PIGL: variants seen among roughly 807,000 people sequenced by gnomAD.
The protein encoded by PIGL is phosphatidylinositol glycan anchor biosynthesis class L, also known as N-acetylglucosaminyl-phosphatidylinositol de-N-acetylase.
A neutral mutation model predicts 31.1 loss-of-function variants in PIGL; 22 were observed. The observed-to-expected ratio is 0.71, with a 90% CI of 0.51 to 1.01. The LOEUF (loss-of-function observed/expected upper bound fraction) is 1.01, where lower values mean the gene tolerates loss of function less well. Among genes scored for constraint, PIGL ranks in the 50% least tolerant of loss-of-function variants. The pLI is 0.00. For synonymous variants in PIGL, 131 were observed against 117.4 expected (o/e 1.12, Z -0.75); for missense variants, 302 against 315.9 (o/e 0.96, Z 0.33).
intron 2 of PIGL, among the ~76,000 whole-genome samples, chr17:16,239,002 C>G (rs1028221379): frequency 1.3e-5 from 2 of 149,414 alleles, no homozygotes; most frequent in Non-Finnish European, 3.0e-5. Context: ...CTTGGCCTCC[C>G]GAAGTGCTGG....
Position 16,262,440 on chromosome 17 carries a change from A to T in PIGL, c.335+28370A>T, listed in dbSNP as rs79427616. ...AATAAAAGTGTTCGTGTGAATGCTG[A>T]GATATTGGAACCCTAATACATTGCT... On this transcript the variant is annotated intron_variant, in intron 2 of 6. Coordinates refer to ENST00000225609, the MANE Select transcript of PIGL (RefSeq NM_004278.4). 6.6e-3 allele frequency among the ~76,000 whole-genome samples: 1,009 copies of T among 152,334 alleles called. 17 individuals are homozygous for T. The highest frequency in any genetic ancestry group is 0.023 in the African/African-American group (975 of 41,576).
intron 6 of PIGL, among the ~76,000 whole-genome samples, chr17:16,320,409 AAAGG>A (rs2093099722): frequency 8.0e-6 from 1 of 125,172 alleles, no homozygotes; most frequent in Admixed American, 8.5e-5. Flanking sequence ...GAGGGAGAGA[AAAGG>A]AGAGAGGAAG....
intron 1 of PIGL, among the ~76,000 whole-genome samples, chr17:16,229,929 T>A (rs1175125892): frequency 1.1e-4 from 15 of 138,202 alleles, no homozygotes; most frequent in African/African-American, 2.7e-5. Context: ...TGGCACGATC[T>A]CAGCTCACTG....
At chr17:16,291,605 C>T (rs1600830824) in intron 2 of PIGL, among the ~76,000 whole-genome samples, 1 of 151,380 alleles carries the variant, frequency 6.6e-6, no homozygotes, top group Admixed American at 6.6e-5. Flanking sequence ...GTGGCTCACA[C>T]CTGTAATCCC....
intron 3 of PIGL, among the ~76,000 whole-genome samples, chr17:16,312,115 C>T (rs1203351782): frequency 6.9e-6 from 1 of 144,448 alleles, no homozygotes; most frequent in Non-Finnish European, 1.5e-5. Flanking sequence ...CCGGAGGGGG[C>T]GGCTGGCCGG....
intron 6 of PIGL, among the ~76,000 whole-genome samples, chr17:16,323,672 G>T (rs1409151140): frequency 7.0e-6 from 1 of 141,962 alleles, no homozygotes; most frequent in Non-Finnish European, 1.5e-5. Context: ...GAGTGTAGTG[G>T]TAAGATCTCA....
intron 2 of PIGL, among the ~76,000 whole-genome samples, chr17:16,239,208 G>A (rs548826333): frequency 6.6e-6 from 1 of 151,714 alleles, no homozygotes; most frequent in Non-Finnish European, 1.5e-5. Flanking sequence ...TTTTGGGCCA[G>A]CCGGGTGGCT....
chr17:16,225,675 T>A (rs1341450573), intron 1 of PIGL, among the ~76,000 whole-genome samples: 1 of 151,900 alleles, frequency 6.6e-6, no homozygotes, highest in Non-Finnish European at 1.5e-5. Context: ...TGCACGTGTT[T>A]CTTAGAACCA....
At chr17:16,302,410 A>G (rs1214382732) in intron 3 of PIGL, among the ~76,000 whole-genome samples, 1 of 151,992 alleles carries the variant, frequency 6.6e-6, no homozygotes, top group Non-Finnish European at 1.5e-5. Flanking sequence ...CAGAGCCTCC[A>G]CAGCCTCGAT....
chr17:16,293,949 T>G (rs753271692), intron 2 of PIGL, among the ~76,000 whole-genome samples: 2 of 152,164 alleles, frequency 1.3e-5, no homozygotes, highest in Non-Finnish European at 2.9e-5. Context: ...GAATTTGGCC[T>G]TGTCCAATGA....
chr17:16,244,264 G>A (rs1283957993), intron 2 of PIGL, among the ~76,000 whole-genome samples: 1 of 152,176 alleles, frequency 6.6e-6, no homozygotes, highest in Non-Finnish European at 1.5e-5. Flanking sequence ...TTGGGAAAGG[G>A]CTGTTACCGT....
chr17:16,285,979 T>G (rs1056138063), intron 2 of PIGL, among the ~76,000 whole-genome samples: 64 of 152,350 alleles, frequency 4.2e-4, no homozygotes, highest in Non-Finnish European at 4.0e-4. Context: ...CCTCCCACAG[T>G]GGCCCTTGGG....
chr17:16,259,208 A>G (rs2092809420), intron 2 of PIGL, among the ~76,000 whole-genome samples: 1 of 151,090 alleles, frequency 6.6e-6, no homozygotes. Context: ...AGTAGGCTTT[A>G]TTCTGTTTTG....
intron 2 of PIGL, among the ~76,000 whole-genome samples, chr17:16,290,782 G>A (rs1215083323): frequency 6.6e-6 from 1 of 151,974 alleles, no homozygotes; most frequent in Non-Finnish European, 1.5e-5. Flanking sequence ...TGGGGCTCTG[G>A]CAATCCTCCT....
chr17:16,310,661 C>T (rs576155797), intron 3 of PIGL, among the ~76,000 whole-genome samples: 6 of 152,262 alleles, frequency 3.9e-5, no homozygotes, highest in Admixed American at 1.3e-4. Context: ...CTCAACCTCC[C>T]AAGTAGCTGG....
chr17:16,302,930 C>A (rs1246415352), intron 3 of PIGL, among the ~76,000 whole-genome samples: 2 of 152,108 alleles, frequency 1.3e-5, no homozygotes, highest in Non-Finnish European at 2.9e-5. Flanking sequence ...AATCCAAAAT[C>A]CTCTATAATC....
intron 2 of PIGL, among the ~76,000 whole-genome samples, chr17:16,247,181 C>T (rs968391924): frequency 6.6e-6 from 1 of 152,122 alleles, no homozygotes; most frequent in African/African-American, 2.4e-5. Flanking sequence ...TCTTAGTTAC[C>T]TCCTAAAACC....
intron 2 of PIGL, among the ~76,000 whole-genome samples, chr17:16,275,117 C>T (rs917095089): frequency 1.3e-5 from 2 of 151,974 alleles, no homozygotes; most frequent in Non-Finnish European, 2.9e-5. Context: ...CCACTAAGGA[C>T]ACTTACAGTC....
intron 1 of PIGL, among the ~76,000 whole-genome samples, chr17:16,227,776 C>A (rs2092659196): frequency 6.6e-6 from 1 of 151,498 alleles, no homozygotes; most frequent in African/African-American, 2.4e-5. Context: ...GACTGGGTTT[C>A]TCCATGTTGG....
Sources: allele counts gnomAD v4.1 joint callset (sites outside exome capture counted in the v4.1 genomes callset), GRCh38; gene constraint gnomAD v4.1.1; transcripts MANE v1.5; gene names NCBI Gene and HGNC (gene_info 2026-07-23, HGNC 2026-07-21).